The following KIAA0825 variants were observed in gnomAD, a reference collection of about 807,000 sequenced individuals.
The protein encoded by KIAA0825 is uncharacterized protein KIAA0825.
In KIAA0825, 119 loss-of-function variants were observed where a neutral mutation model predicts 147.6. The observed-to-expected ratio is 0.81, with a 90% confidence interval of 0.69 to 0.94. The LOEUF is 0.94. Ranked by LOEUF, KIAA0825 falls within the 40% of genes least tolerant of loss-of-function variation. KIAA0825 has a pLI of 0.00. For synonymous variants in KIAA0825, 470 were observed against 518.1 expected, an observed-to-expected ratio of 0.91 and a Z score of 1.26; for missense variants, 1,381 against 1,472.7, an observed-to-expected ratio of 0.94 and a Z score of 1.02.
At chr5:94,555,035 GAACT>G (rs1194459126) in intron 2 of KIAA0825, among the ~76,000 whole-genome samples, 1 of 151,306 alleles carries the variant, frequency 6.6e-6, no homozygotes, top group East Asian at 1.9e-4. Context: ...GTTTTCCCTA[GAACT>G]ATTATAAATG....
At chr5:94,234,208 A>C (rs1378444634) in intron 20 of KIAA0825, among the ~76,000 whole-genome samples, 3 of 151,902 alleles carry the variant, frequency 2.0e-5, no homozygotes, top group Middle Eastern at 6.8e-3. Context: ...CTACTAAAAA[A>C]AAAATACAAA....
intron 8 of KIAA0825, 40 bp from the exon 9 acceptor site, chr5:94,471,771 T>G: frequency 6.5e-7 from 1 of 1,539,020 alleles, no homozygotes; most frequent in Non-Finnish European, 8.8e-7. Flanking sequence ...ATTTGTATTC[T>G]GACAGCACCA....
At chr5:94,593,942 T>C (rs1784803356) in intron 1 of KIAA0825, 2 of 453,274 alleles carry the variant, frequency 4.4e-6, no homozygotes, top group Non-Finnish European at 8.8e-6. Context: ...TTTACCACAG[T>C]GTGACCCAAA....
At chr5:94,541,938 A>G (rs1276308837) in intron 2 of KIAA0825, among the ~76,000 whole-genome samples, 1 of 152,258 alleles carries the variant, frequency 6.6e-6, no homozygotes, top group African/African-American at 2.4e-5. Flanking sequence ...TTATAATTCT[A>G]AAATGACTTA....
chr5:94,226,757 A>G (rs1774203107), intron 20 of KIAA0825, among the ~76,000 whole-genome samples: 1 of 152,120 alleles, frequency 6.6e-6, no homozygotes, highest in South Asian at 2.1e-4. Context: ...GACACTTCTC[A>G]AAAGAAGACA....
chr5:94,425,916 T>G (rs1213011406), intron 14 of KIAA0825, among the ~76,000 whole-genome samples: 1 of 152,068 alleles, frequency 6.6e-6, no homozygotes, highest in Non-Finnish European at 1.5e-5. Flanking sequence ...TTTTGAGAAA[T>G]GACTCCCTAA....
chr5:94,173,659 G>C (rs1340592030), intron 20 of KIAA0825, among the ~76,000 whole-genome samples: 3 of 152,156 alleles, frequency 2.0e-5, no homozygotes, highest in Admixed American at 6.5e-5. Context: ...TTACAAAGGA[G>C]TCATCAGCTC....
At chr5:94,353,869 G>A (rs968436883) in intron 20 of KIAA0825, among the ~76,000 whole-genome samples, 1 of 152,082 alleles carries the variant, frequency 6.6e-6, no homozygotes, top group Non-Finnish European at 1.5e-5. Context: ...ATATGTAAAT[G>A]CAAAATTCCA....
chr5:94,273,898 T>C (rs892878124), intron 20 of KIAA0825, among the ~76,000 whole-genome samples: 12 of 152,030 alleles, frequency 7.9e-5, no homozygotes, highest in African/African-American at 2.9e-4. Flanking sequence ...ACAAAAGATA[T>C]ATACAAGGAG....
intron 12 of KIAA0825, among the ~76,000 whole-genome samples, chr5:94,453,339 ATTT>A (rs563316235): frequency 8.3e-4 from 98 of 118,190 alleles, no homozygotes; most frequent in East Asian, 2.2e-3. Flanking sequence ...CGTGTGGCTG[ATTT>A]TTTTTTTTTT....
In KIAA0825 at chr5:94,403,684, C is replaced by G. The variant is rs1157747299; in HGVS notation, c.2772G>C (p.Arg924Ser). The change falls in exon 16 of 21, where the codon AGG (arginine) becomes AGC (serine). Residue 924 changes from arginine to serine, a missense_variant. Transcript: ENST00000682413. ...VQQIVSVMSS[R>S]RNCETNLNKH... ...TGTTTAGGTTTGTCTCACAGTTTCT[C>G]CTAGAACTCATTACAGATACTATCT... The G allele has an allele frequency of 6.4e-7, 1 of 1,551,572 alleles. No individual in the cohort carries two copies. The highest frequency in any genetic ancestry group is 8.7e-7 in the Non-Finnish European group (1 of 1,146,898).
Position 94,187,359 on chromosome 5 carries a change from G to GA in KIAA0825, c.3711-33236dup, listed in dbSNP as rs575518336. ...GAAGCAGGAGTTCATTGGAGGGAAG[G>GA]AAAAAAAAAAAAAGATGAAAAACAG... On this transcript the variant is annotated intron_variant, in intron 20 of 20. Coordinates refer to ENST00000682413, the MANE Select transcript of KIAA0825 (RefSeq NM_001145678.3). 4.4e-3 allele frequency among the ~76,000 whole-genome samples: 495 copies of GA among 112,810 alleles called. 5 individuals carry two copies. The highest frequency in any genetic ancestry group is 0.012 in the African/African-American group (372 of 31,134). 74.0% of individuals were successfully genotyped at this position (112,810 alleles called of 152,430 possible). A position where few individuals can be genotyped will look rare whatever the true frequency, so the allele number is the denominator to read the frequency against.
chr5:94,393,849 CT>C (rs34735109), intron 17 of KIAA0825, among the ~76,000 whole-genome samples: 12,907 of 138,936 alleles, frequency 0.093, 1,515 homozygotes, highest in African/African-American at 0.28. Context: ...AAGAAACACT[CT>C]TTTTTTTTTT....
intron 20 of KIAA0825, among the ~76,000 whole-genome samples, chr5:94,376,405 T>C (rs965037441): frequency 1.3e-5 from 2 of 152,110 alleles, no homozygotes; most frequent in African/African-American, 2.4e-5. Context: ...CCTTGTTACA[T>C]GGTTGTAGTG....
chr5:94,171,161 G>T (rs915300888), intron 20 of KIAA0825, among the ~76,000 whole-genome samples: 1 of 152,160 alleles, frequency 6.6e-6, no homozygotes, highest in Admixed American at 6.5e-5. Context: ...CTTGGTGGGA[G>T]GTGATTGAAT....
At chr5:94,246,944 G>T (rs1228264166) in intron 20 of KIAA0825, among the ~76,000 whole-genome samples, 3 of 152,154 alleles carry the variant, frequency 2.0e-5, no homozygotes, top group Admixed American at 2.0e-4. Context: ...AGTTTGGAAG[G>T]AAAGTGGAAG....
intron 20 of KIAA0825, among the ~76,000 whole-genome samples, chr5:94,369,253 G>A (rs180696655): frequency 3.1e-4 from 47 of 152,242 alleles, no homozygotes; most frequent in African/African-American, 9.1e-4. Flanking sequence ...TAGAGATACG[G>A]ATTCAAGACT....
chr5:94,473,518 G>A lies in KIAA0825; in HGVS notation c.1229C>T (p.Ala410Val), dbSNP rs1360624460. The change falls in exon 8 of 21, where the codon GCT becomes GTT. Residue 410 changes from alanine to valine, a missense_variant and splice_region_variant. Coordinates refer to ENST00000682413, the MANE Select transcript of KIAA0825 (RefSeq NM_001145678.3). ...TCTCCAGCCAAAATCTAGTAAGGTAGCCTGAAATATCAATGTATATGAAGT... is the reference window on the plus strand; with the variant it reads ...TCTCCAGCCAAAATCTAGTAAGGTAACCTGAAATATCAATGTATATGAAGT... ...PSEQSLPGKE[A>V]TLLDFGWRSA... 6.5e-7 allele frequency: 1 copy of A among 1,539,568 alleles called. No homozygotes were observed. The highest frequency in any genetic ancestry group is 1.2e-5 in the South Asian group (1 of 83,768).
At chr5:94,588,430 T>C (rs535552303) in intron 1 of KIAA0825, among the ~76,000 whole-genome samples, 7 of 152,198 alleles carry the variant, frequency 4.6e-5, no homozygotes, top group Admixed American at 2.6e-4. Flanking sequence ...AACAGACATA[T>C]GAAAAAATGC....
Sources: allele counts gnomAD v4.1 joint callset (sites outside exome capture counted in the v4.1 genomes callset), GRCh38; gene constraint gnomAD v4.1.1; transcripts MANE v1.5; gene names NCBI Gene and HGNC (gene_info 2026-07-23, HGNC 2026-07-21).